Variants in COL5A3 observed in about 807,000 individuals in gnomAD.
COL5A3 encodes the protein collagen type V alpha 3 chain.
COL5A3 carries 172 observed loss-of-function variants against 250.0 expected under a neutral mutation model. The ratio of observed to expected loss-of-function variants is 0.69; its 90% CI spans 0.61 to 0.78. COL5A3 has a LOEUF of 0.78. Ranked by LOEUF, COL5A3 falls within the 30% of genes least tolerant of loss-of-function variation. The pLI is 0.00. For missense variants in COL5A3, 2,340 were observed against 2,334.4 expected (o/e 1.00, Z -0.05); for synonymous variants, 937 against 900.4 (o/e 1.04, Z -0.73).
chr19:9,992,915 C>G, intron 20 of COL5A3, 35 bp from the exon 21 acceptor site: 2 of 1,611,076 alleles, frequency 1.2e-6, no homozygotes, highest in Non-Finnish European at 1.7e-6. Context: ...TCCACATCAC[C>G]TCTGTGTGGC....
chr19:9,993,899 T>G lies in COL5A3; in HGVS notation c.1588-93A>C, dbSNP rs949392002. 3.5e-5 allele frequency: 41 copies of G among 1,185,062 alleles called. No individual in the cohort carries two copies. The Middle Eastern group carries it at 2.4e-3, about 68-fold the overall frequency. The allele number at this position is 1,185,062 out of a possible 1,614,324, so 73.4% of individuals were successfully genotyped here. On this transcript the variant is annotated intron_variant, in intron 16 of 66. Transcript: ENST00000264828. ...CCAACTTCATCATCAACATCAAGATTTTTTTTTTGACAGGGTCTCCTTCTG... is the reference window on the plus strand; with the variant it reads ...CCAACTTCATCATCAACATCAAGATGTTTTTTTTGACAGGGTCTCCTTCTG...
chr19:9,971,691 C>T (rs972926788), intron 51 of COL5A3, among the ~76,000 whole-genome samples: 5 of 152,188 alleles, frequency 3.3e-5, no homozygotes, highest in African/African-American at 1.2e-4. Context: ...CCGCCCCAAC[C>T]TCTACTGTGG....
Position 9,977,372 on chromosome 19 carries a change from C to G in COL5A3, c.3227G>C (p.Gly1076Ala), listed in dbSNP as rs769483301. ...TCTCTGTGAACCCCTCACCTTGTCCCCTTCCTCGCCAGAAGGCCCAGCAGC... is the reference window on the plus strand; with the variant it reads ...TCTCTGTGAACCCCTCACCTTGTCCGCTTCCTCGCCAGAAGGCCCAGCAGC... ...PGAAGPSGEE[G>A]DKGDVGAPGH... Residue 1076 changes from glycine to alanine, a missense_variant, in exon 43 of 67, where the codon GGG (glycine) becomes GCG (alanine). By Grantham distance (60) the Gly-to-Ala change is moderately conservative. Around this residue, in one of 3 missense-constraint regions of COL5A3, gnomAD observed 1,179 missense variants for 1,162.6 expected, o/e 1.01. Transcript: ENST00000264828. 1.9e-6 allele frequency: 3 copies of G among 1,592,530 alleles called. No homozygotes were observed. Among genetic ancestry groups the G allele is most frequent in the Non-Finnish European group, 1.7e-6 (2 of 1,165,814 alleles).
intron 8 of COL5A3, among the ~76,000 whole-genome samples, chr19:10,000,452 CTTTTTTTTT>C (rs576119335): frequency 4.8e-5 from 3 of 62,758 alleles, no homozygotes; most frequent in South Asian, 5.8e-4. Context: ...CCAGAGAGCT[CTTTTTTTTT>C]TTTTTTTTTT....
At position 9,993,016 on chromosome 19, in the gene COL5A3, T is replaced by C. The variant is rs1294278062; in HGVS notation, c.1794+7A>G. ...AAGCAAGGGGCCCAGGGATCCCTGA[T>C]ACTCACCGGCTCCCCAGCCTGGCCA... On this transcript the variant is annotated splice_region_variant and intron_variant, in intron 20 of 66. Coordinates refer to ENST00000264828, the MANE Select transcript of COL5A3 (RefSeq NM_015719.4). 1.2e-6 allele frequency: 2 copies of C among 1,613,534 alleles called. No individual in the cohort carries two copies. Among genetic ancestry groups the C allele is most frequent in the Non-Finnish European group, 1.7e-6 (2 of 1,179,730 alleles).
intron 64 of COL5A3, among the ~76,000 whole-genome samples, chr19:9,963,127 G>A (rs2086694332): frequency 1.3e-5 from 2 of 152,094 alleles, no homozygotes; most frequent in African/African-American, 4.8e-5. Flanking sequence ...CACCTCCAAG[G>A]GGGATAACTC....
At position 9,992,810 on chromosome 19, in the gene COL5A3, G is replaced by T; in HGVS notation, c.1848+17C>A. Reference sequence around the variant, plus strand: ...ACAAAAAGACAGACAGGGATGCAGAGAGCCAGTGACACTCACCGGGCGACC... The same window carrying T: ...ACAAAAAGACAGACAGGGATGCAGATAGCCAGTGACACTCACCGGGCGACC... On this transcript the variant is annotated intron_variant, in intron 21 of 66. Coordinates refer to ENST00000264828, the MANE Select transcript of COL5A3 (RefSeq NM_015719.4). 1 of 1,612,928 alleles carries T rather than the reference G, an allele frequency of 6.2e-7. No homozygotes were observed. The highest frequency in any genetic ancestry group is 8.5e-7 in the Non-Finnish European group (1 of 1,179,130).
chr19:9,979,982 G>T lies in COL5A3; in HGVS notation c.2658+12C>A. 1 of 1,585,276 alleles carries T rather than the reference G, an allele frequency of 6.3e-7. No homozygotes were observed. The highest frequency in any genetic ancestry group is 2.3e-5 in the East Asian group (1 of 44,010). On this transcript the variant is annotated intron_variant, in intron 36 of 66. Coordinates refer to ENST00000264828, the MANE Select transcript of COL5A3 (RefSeq NM_015719.4). Reference sequence around the variant, plus strand: ...CACCCACCCAACCCCCAATGAGGGTGACCTCACTCACAGGGGGGCCCTTTG... The same window carrying T: ...CACCCACCCAACCCCCAATGAGGGTTACCTCACTCACAGGGGGGCCCTTTG...
At chr19:9,981,813 G>C (rs1195660127) in intron 32 of COL5A3, among the ~76,000 whole-genome samples, 1 of 152,188 alleles carries the variant, frequency 6.6e-6, no homozygotes, top group Admixed American at 6.5e-5. Flanking sequence ...GCAGGCTGCG[G>C]CATTCAAACC....
Position 10,003,670 on chromosome 19 carries a change from C to T in COL5A3, c.744G>A (p.Gly248=), listed in dbSNP as rs1015667520. Residue 248 remains glycine (G), a synonymous_variant, in exon 6 of 67, where the codon GGG becomes GGA. Coordinates refer to ENST00000264828, the MANE Select transcript of COL5A3 (RefSeq NM_015719.4). ...EPETPRPRRK[G]KGKGRKKGRG... Reference sequence around the variant, plus strand: ...GCCCTTTCTTCCTCCCTTTTCCCTTCCCCTTCCGCCGAGGACGAGGGGTTT... The same window carrying T: ...GCCCTTTCTTCCTCCCTTTTCCCTTTCCCTTCCGCCGAGGACGAGGGGTTT... 6.2e-7 allele frequency: 1 copy of T among 1,614,072 alleles called. No individual in the cohort carries two copies. The highest frequency in any genetic ancestry group is 1.3e-5 in the African/African-American group (1 of 74,926).
Position 9,960,837 on chromosome 19 carries a change from G to A in COL5A3, c.4905C>T (p.Phe1635=). 1.2e-6 allele frequency: 2 copies of A among 1,612,460 alleles called. No individual in the cohort carries two copies. The highest frequency in any genetic ancestry group is 2.7e-5 in the African/African-American group (2 of 75,038). Residue 1635 remains phenylalanine (F), a synonymous_variant, in exon 66 of 67, where the codon TTC becomes TTT. Transcript: ENST00000264828. ...GSPVNVVQLN[F]LKLLSATARQ... ...GAGCTGTGGCACTCAGCAGTTTCAG[G>A]AAGTTCAGCTGCACGACATTCACTG...
At chr19:9,996,371 C>CT in intron 13 of COL5A3, 62 bp downstream of exon 13, 1 of 1,587,866 alleles carries the variant, frequency 6.3e-7, no homozygotes, top group Non-Finnish European at 8.6e-7. Flanking sequence ...CCAGCCCCTC[C>CT]TTACGCCGAG....
At position 9,993,821 on chromosome 19, in the gene COL5A3, AG is replaced by A. The variant is rs1568425940; in HGVS notation, c.1588-16del. The A allele has an allele frequency of 4.3e-6, 7 of 1,613,764 alleles. No homozygotes were observed. The highest frequency in any genetic ancestry group is 4.2e-6 in the Non-Finnish European group (5 of 1,179,720). ...CCAGGGCGGCCCTATGGAGAAAGTA[AG>A]CCCAAGAGTCAAGGATGAGCCTTCC... is the stretch of plus-strand genomic sequence containing the variant. On this transcript the variant is annotated splice_polypyrimidine_tract_variant and intron_variant, in intron 16 of 66. Transcript: ENST00000264828.
intron 22 of COL5A3, 70 bp from the exon 23 acceptor site, chr19:9,991,911 T>C: frequency 6.5e-7 from 1 of 1,549,688 alleles, no homozygotes; most frequent in Non-Finnish European, 8.9e-7. Context: ...GAAATTGACT[T>C]GGGGGGGGTC....
intron 31 of COL5A3, among the ~76,000 whole-genome samples, chr19:9,985,547 A>T (rs2087087458): frequency 1.3e-5 from 2 of 152,056 alleles, no homozygotes; most frequent in South Asian, 4.2e-4. Flanking sequence ...GCCATGAGCC[A>T]CTGCGCCCAG....
Position 9,973,050 on chromosome 19 carries a change from C to G in COL5A3, c.3667-24G>C, listed in dbSNP as rs200676750. On this transcript the variant is annotated intron_variant, in intron 50 of 66. Coordinates refer to ENST00000264828, the MANE Select transcript of COL5A3 (RefSeq NM_015719.4). ...CCCTTTACAGAAAGAGGTCAGAGGT[C>G]AGAGTGGCCTGGACTCTCCAGGGAT... 130 of 1,580,030 alleles carry G rather than the reference C, an allele frequency of 8.2e-5. 1 individual carries two copies. The East Asian group carries it at 2.1e-3, about 26-fold the overall frequency.
rs1489315348 is a variant in COL5A3 at position 9,992,749 on chromosome 19, C to T, written c.1848+78G>A. The T allele has an allele frequency of 1.2e-5, 17 of 1,463,510 alleles. No individual in the cohort carries two copies. In the East Asian group the frequency reaches 3.6e-4, roughly 31 times the overall value. 90.7% of individuals were successfully genotyped at this position (1,463,510 alleles called of 1,614,324 possible). A position where few individuals can be genotyped will look rare whatever the true frequency, so the allele number is the denominator to read the frequency against. ...CTGAGATCTCGCCACCGCACTCCAG[C>T]CTGGGCGACAGAGCGAGACCCTAAT... On this transcript the variant is annotated intron_variant, in intron 21 of 66. Coordinates refer to ENST00000264828, the MANE Select transcript of COL5A3 (RefSeq NM_015719.4).
At chr19:10,002,640 CACTA>C (rs1342450172) in intron 6 of COL5A3, among the ~76,000 whole-genome samples, 2 of 152,072 alleles carry the variant, frequency 1.3e-5, no homozygotes, top group Non-Finnish European at 2.9e-5. Flanking sequence ...TGGCTATTAG[CACTA>C]ACTAGTGACT....
At position 9,962,803 on chromosome 19, in the gene COL5A3, G is replaced by T; in HGVS notation, c.4851+16C>A. On this transcript the variant is annotated intron_variant, in intron 65 of 66. Transcript: ENST00000264828. ...CAATTTTCATGTCACTCCCCATCTCGGCCTCGGTGACTCACCTTCTTCCCT... is the reference window on the plus strand; with the variant it reads ...CAATTTTCATGTCACTCCCCATCTCTGCCTCGGTGACTCACCTTCTTCCCT... 3 of 1,601,432 alleles carry T rather than the reference G, an allele frequency of 1.9e-6. No individual in the cohort carries two copies. Among genetic ancestry groups the T allele is most frequent in the Non-Finnish European group, 2.6e-6 (3 of 1,172,358 alleles).
Sources: gnomAD v4.1 joint callset for allele counts (sites outside exome capture counted in the v4.1 genomes callset) on GRCh38, gnomAD v4.1.1 for gene constraint, gnomAD v4.1.1 regional missense constraint, MANE v1.5 for transcripts, NCBI Gene and HGNC (gene_info 2026-07-23, HGNC 2026-07-21) for gene names.